The following BTBD1 variants were observed in gnomAD, a reference collection of about 807,000 sequenced individuals.
The protein encoded by BTBD1 is BTB/POZ domain-containing protein 1.
Under a neutral mutation model 48.0 loss-of-function variants are expected in BTBD1, and 34 were observed. The ratio of observed to expected loss-of-function variants is 0.71; its 90% CI spans 0.54 to 0.94. The LOEUF is 0.94. Among genes scored for constraint, BTBD1 ranks in the 40% least tolerant of loss-of-function variants. The pLI, the probability that BTBD1 is intolerant of heterozygous loss-of-function variation, is 0.00. For missense variants in BTBD1, 543 were observed against 625.6 expected (o/e 0.87, Z 1.41); for synonymous variants, 261 against 242.1 (o/e 1.08, Z -0.72).
intron 2 of BTBD1, 108 bp downstream of exon 2, chr15:83,056,281 A>G: frequency 4.4e-6 from 3 of 681,178 alleles, no homozygotes; most frequent in Non-Finnish European, 7.0e-6. Flanking sequence ...ATCATTTTAT[A>G]TACTTTAAAA....
chr15:83,044,489 A>T (rs541585834), intron 3 of BTBD1: 1 of 1,577,412 alleles, frequency 6.3e-7, no homozygotes, highest in African/African-American at 1.3e-5. Flanking sequence ...TGGCCAAGCC[A>T]GATTGTATCA....
chr15:83,028,340 G>C (rs2032451972), intron 5 of BTBD1, among the ~76,000 whole-genome samples: 1 of 152,114 alleles, frequency 6.6e-6, no homozygotes, highest in African/African-American at 2.4e-5. Context: ...TCTGTTGTGA[G>C]AATTATACTA....
At position 83,030,126 on chromosome 15, in the gene BTBD1, T is replaced by C; in HGVS notation, c.1055+10A>G. 6.2e-7 allele frequency: 1 copy of C among 1,613,398 alleles called. No homozygotes were observed. The highest frequency in any genetic ancestry group is 1.3e-5 in the African/African-American group (1 of 74,996). On this transcript the variant is annotated intron_variant, in intron 5 of 7. Transcript: ENST00000261721. ...CCACTCTACCCCCGCATCCCCAATA[T>C]AACAGATACCTGATTCGATCACTCG... is the stretch of plus-strand genomic sequence containing the variant.
chr15:83,057,822 A>T (rs138788314), intron 1 of BTBD1, among the ~76,000 whole-genome samples: 1 of 152,336 alleles, frequency 6.6e-6, no homozygotes, highest in East Asian at 1.9e-4. Flanking sequence ...TCACTATTCT[A>T]AGCAGCTGGT....
chr15:83,035,150 C>T (rs142563912), intron 4 of BTBD1, among the ~76,000 whole-genome samples: 2,719 of 151,876 alleles, frequency 0.018, 36 homozygotes, highest in Admixed American at 0.028. Context: ...AAAAATTAGC[C>T]GAGCGTGGCA....
intron 5 of BTBD1, among the ~76,000 whole-genome samples, chr15:83,021,764 A>C (rs187050676): frequency 1.3e-5 from 2 of 150,944 alleles, no homozygotes; most frequent in Admixed American, 6.6e-5. Flanking sequence ...TAATAATAAT[A>C]ATAATACATA....
chr15:83,066,230 G>A (rs990174901), intron 1 of BTBD1, among the ~76,000 whole-genome samples: 3 of 152,060 alleles, frequency 2.0e-5, no homozygotes, highest in African/African-American at 4.8e-5. Flanking sequence ...GCCCGGAGAG[G>A]TCGAGGCTGC....
At chr15:83,045,761 T>C (rs933008570) in intron 3 of BTBD1, among the ~76,000 whole-genome samples, 3 of 152,140 alleles carry the variant, frequency 2.0e-5, no homozygotes, top group Non-Finnish European at 4.4e-5. Flanking sequence ...ATAAGTAAAT[T>C]AAATGCAATC....
At chr15:83,061,253 T>C (rs983190820) in intron 1 of BTBD1, among the ~76,000 whole-genome samples, 4 of 152,144 alleles carry the variant, frequency 2.6e-5, no homozygotes, top group Admixed American at 6.5e-5. Flanking sequence ...TATCTAAACA[T>C]GGAAAATGCA....
chr15:83,018,668 C>A (rs1260800513), intron 7 of BTBD1, 39 bp downstream of exon 7: 20 of 1,602,118 alleles, frequency 1.2e-5, no homozygotes, highest in Non-Finnish European at 1.5e-5. Context: ...CTGCAACATT[C>A]AAGAGGAAAC....
chr15:83,051,516 CAT>C (rs1206633905), intron 2 of BTBD1, among the ~76,000 whole-genome samples: 1 of 149,600 alleles, frequency 6.7e-6, no homozygotes, highest in Non-Finnish European at 1.5e-5. Flanking sequence ...TTACATATAA[CAT>C]AAAATATGTA....
At chr15:83,033,941 G>C (rs904626532) in intron 4 of BTBD1, among the ~76,000 whole-genome samples, 5 of 151,306 alleles carry the variant, frequency 3.3e-5, no homozygotes, top group Non-Finnish European at 7.4e-5. Context: ...GTAATAACAA[G>C]GGCAACCCAC....
chr15:83,055,182 A>G (rs1368784133), intron 2 of BTBD1, among the ~76,000 whole-genome samples: 3 of 152,152 alleles, frequency 2.0e-5, no homozygotes, highest in African/African-American at 4.8e-5. Context: ...GCTAAATACT[A>G]TATGTTAAGG....
chr15:83,051,859 A>AT (rs11370259), intron 2 of BTBD1, among the ~76,000 whole-genome samples: 66,417 of 118,470 alleles, frequency 0.56, 16,080 homozygotes, highest in African/African-American at 0.67. Context: ...TCATTTATTA[A>AT]TTTTTTTTCC....
At chr15:83,039,763 G>A (rs538113931) in intron 4 of BTBD1, among the ~76,000 whole-genome samples, 12 of 141,388 alleles carry the variant, frequency 8.5e-5, no homozygotes, top group Admixed American at 5.8e-4. Context: ...GGGTGACAGA[G>A]TGAGGCTCTG....
At chr15:83,044,595 G>T (rs1012002563) in intron 3 of BTBD1, 212 of 1,594,262 alleles carry the variant, frequency 1.3e-4, no homozygotes, top group Non-Finnish European at 1.8e-4. Flanking sequence ...AGAAACCACA[G>T]CTGATGGCAG....
Position 83,018,782 on chromosome 15 carries a change from G to A in BTBD1, c.1215C>T (p.Asn405=). ...GTTCCTTGAACATGACCCTGAATGT[G>A]TTAGCTGTCCCATCACAACTAAAGC... ...DTGFSCDGTA[N]TFRVMFKEPI... Residue 405 remains asparagine (N), a synonymous_variant, in exon 7 of 8, where the codon AAC becomes AAT. Coordinates refer to ENST00000261721, the MANE Select transcript of BTBD1 (RefSeq NM_025238.4). 1 of 1,614,050 alleles carries A rather than the reference G, an allele frequency of 6.2e-7. No homozygotes were observed. The highest frequency in any genetic ancestry group is 1.3e-5 in the African/African-American group (1 of 75,024).
intron 3 of BTBD1, among the ~76,000 whole-genome samples, chr15:83,045,434 G>A (rs1380831512): frequency 6.6e-6 from 1 of 152,082 alleles, no homozygotes; most frequent in Admixed American, 6.6e-5. Context: ...GGAGGCGGAG[G>A]CTGCAGTGAG....
intron 4 of BTBD1, among the ~76,000 whole-genome samples, chr15:83,040,250 GA>G (rs2151306279): frequency 6.6e-6 from 1 of 152,274 alleles, no homozygotes; most frequent in African/African-American, 2.4e-5. Context: ...GGAAGGGACA[GA>G]AGGGGGAAAA....
Sources: allele counts gnomAD v4.1 joint callset (sites outside exome capture counted in the v4.1 genomes callset), GRCh38; gene constraint gnomAD v4.1.1; transcripts MANE v1.5; gene names NCBI Gene and HGNC (gene_info 2026-07-23, HGNC 2026-07-21).